NFASC: variants seen among roughly 807,000 people sequenced by gnomAD.
NFASC encodes neurofascin homolog.
In NFASC, 43 loss-of-function variants were observed where a neutral mutation model predicts 147.5. The observed-to-expected ratio is 0.29, with a 90% CI of 0.23 to 0.38. The LOEUF is 0.38. Ranked by LOEUF, NFASC falls within the 10% of genes least tolerant of loss-of-function variation. The pLI is 1.00. For synonymous variants in NFASC, 622 were observed against 665.5 expected (o/e 0.93, Z 1.01); for missense variants, 1,320 against 1,689.0 (o/e 0.78, Z 3.83).
chr1:204,833,345 G>T (rs1437033946), intron 1 of NFASC, among the ~76,000 whole-genome samples: 1 of 152,216 alleles, frequency 6.6e-6, no homozygotes, highest in Non-Finnish European at 1.5e-5. Flanking sequence ...GCTGTTACTT[G>T]TTGAAGATTA....
At chr1:204,925,746 T>C (rs971262480) in intron 2 of NFASC, among the ~76,000 whole-genome samples, 7 of 152,192 alleles carry the variant, frequency 4.6e-5, no homozygotes, top group African/African-American at 1.7e-4. Context: ...CTGTTGAAAC[T>C]AGGCTTGCAA....
intron 1 of NFASC, among the ~76,000 whole-genome samples, chr1:204,836,160 G>C (rs1673731322): frequency 6.6e-6 from 1 of 152,108 alleles, no homozygotes; most frequent in South Asian, 2.1e-4. Flanking sequence ...ATGTATGTCT[G>C]TGTGTGCGTG....
At chr1:204,855,796 G>T in intron 1 of NFASC, among the ~76,000 whole-genome samples, 1 of 152,134 alleles carries the variant, frequency 6.6e-6, no homozygotes, top group Non-Finnish European at 1.5e-5. Flanking sequence ...CCTGCTTGTT[G>T]ACATAGCTAG....
chr1:204,857,538 C>A (rs1334870572), intron 1 of NFASC, among the ~76,000 whole-genome samples: 2 of 152,256 alleles, frequency 1.3e-5, no homozygotes, highest in African/African-American at 4.8e-5. Flanking sequence ...CGAGTGCCCT[C>A]TGTCTCCCCT....
At chr1:204,922,208 T>TC (rs2090635412) in intron 2 of NFASC, among the ~76,000 whole-genome samples, 1 of 152,140 alleles carries the variant, frequency 6.6e-6, no homozygotes, top group Admixed American at 6.5e-5. Flanking sequence ...CATGCACCCT[T>TC]CCCACTCTCT....
chr1:204,993,541 G>A (rs970279413), intron 24 of NFASC, among the ~76,000 whole-genome samples: 1 of 152,174 alleles, frequency 6.6e-6, no homozygotes, highest in African/African-American at 2.4e-5. Context: ...CGCAGCCAGG[G>A]TGCCTTCCAG....
At chr1:204,893,069 G>A (rs1479129297) in intron 1 of NFASC, among the ~76,000 whole-genome samples, 1 of 152,230 alleles carries the variant, frequency 6.6e-6, no homozygotes, top group Non-Finnish European at 1.5e-5. Context: ...AAGAATGTAA[G>A]GGATAGAGTA....
At position 204,987,455 on chromosome 1, in the gene NFASC, C is replaced by G. The variant is rs1248796907; in HGVS notation, c.2508C>G (p.Pro836=). Residue 836 remains proline, a synonymous_variant, in exon 22 of 30, where the codon CCC becomes CCG. Transcript: ENST00000339876. This position sits in a 1 kb window ranked among gnomAD's most constrained non-coding sequence, Gnocchi z 4.4. ...SAPRRFRVRQ[P]NLETINLEWD... is the part of the protein sequence containing the mutation. ...CTAGGCGTTTCCGAGTCCGGCAGCC[C>G]AACCTGGAGACAATCAACCTGGAAT... 1 of 1,614,120 alleles carries G rather than the reference C, an allele frequency of 6.2e-7. No individual in the cohort carries two copies. The highest frequency in any genetic ancestry group is 1.7e-5 in the Admixed American group (1 of 60,024).
intron 1 of NFASC, among the ~76,000 whole-genome samples, chr1:204,832,491 G>C (rs1672510426): frequency 6.6e-6 from 1 of 152,136 alleles, no homozygotes; most frequent in Non-Finnish European, 1.5e-5. Context: ...CATTGATGGG[G>C]AGGGCAAGTT....
chr1:204,865,691 T>G (rs1271194191), intron 1 of NFASC, among the ~76,000 whole-genome samples: 1 of 152,214 alleles, frequency 6.6e-6, no homozygotes, highest in East Asian at 1.9e-4. Context: ...TTGTAGTATG[T>G]TTTGAAATCA....
At chr1:204,927,024 G>A (rs1450961076) in intron 2 of NFASC, among the ~76,000 whole-genome samples, 3 of 152,220 alleles carry the variant, frequency 2.0e-5, no homozygotes, top group East Asian at 1.9e-4. Context: ...GCAGTGAGCC[G>A]AGATGGCGCC....
chr1:204,975,535 C>G lies in NFASC; in HGVS notation c.1706+117C>G. ...AGGGAACCCGTGTCATGCATGTCAC[C>G]AAGGAGCTTCTGCAGAGGGGGTGAT... On this transcript the variant is annotated intron_variant, in intron 15 of 29. Transcript: ENST00000339876. This position sits in a 1 kb window ranked among gnomAD's most constrained non-coding sequence, Gnocchi z 4.0. 7.3e-7 allele frequency: 1 copy of G among 1,362,064 alleles called. No individual in the cohort carries two copies. The highest frequency in any genetic ancestry group is 1.0e-6 in the Non-Finnish European group (1 of 980,246). 84.4% of individuals were successfully genotyped at this position (1,362,064 alleles called of 1,614,324 possible).
In NFASC at chr1:204,973,377, G is replaced by C; in HGVS notation, c.1237G>C (p.Glu413Gln). ...RAVYQCNTSN[E>Q]HGYLLANAFV... ...TGTGTACCAGTGCAACACCTCCAAC[G>C]AGCATGGCTACCTGCTGGCCAACGC... The change falls in exon 12 of 30, where the codon GAG becomes CAG. Residue 413 changes from glutamate (E) to glutamine (Q), a missense_variant. Coordinates refer to ENST00000339876, the MANE Select transcript of NFASC (RefSeq NM_001005388.3). 1 of 1,614,282 alleles carries C rather than the reference G, an allele frequency of 6.2e-7. No individual in the cohort carries two copies. Among genetic ancestry groups the C allele is most frequent in the Non-Finnish European group, 8.5e-7 (1 of 1,180,054 alleles).
At chr1:205,000,662 A>C (rs1372757795) in intron 25 of NFASC, 2 of 185,962 alleles carry the variant, frequency 1.1e-5, no homozygotes, top group Non-Finnish European at 2.3e-5. Context: ...ATCAAAACCC[A>C]CTCTTTCTAC....
chr1:204,916,524 G>C (rs536172896), intron 1 of NFASC, among the ~76,000 whole-genome samples: 3 of 152,068 alleles, frequency 2.0e-5, no homozygotes, highest in African/African-American at 4.8e-5. Flanking sequence ...ATATTTGTAC[G>C]AAGATTTTGT....
intron 24 of NFASC, among the ~76,000 whole-genome samples, 167 bp downstream of exon 24, chr1:204,991,473 A>T (rs2095734409): frequency 6.6e-6 from 1 of 152,184 alleles, no homozygotes; most frequent in Non-Finnish European, 1.5e-5. Context: ...TGTGTGGAGG[A>T]TGGGACCAGA....
chr1:204,870,072 C>T (rs1414719282), intron 1 of NFASC, among the ~76,000 whole-genome samples: 1 of 152,168 alleles, frequency 6.6e-6, no homozygotes, highest in Non-Finnish European at 1.5e-5. Flanking sequence ...GAGAGCTGAG[C>T]CTTACACTCT....
Position 204,968,577 on chromosome 1 carries a change from G to A in NFASC, c.818+217G>A, listed in dbSNP as rs1455480611. The A allele has an allele frequency of 8.1e-6, 5 of 613,658 alleles. No individual in the cohort carries two copies. The highest frequency in any genetic ancestry group is 1.4e-5 in the Non-Finnish European group (5 of 349,560). 38.0% of individuals were successfully genotyped at this position (613,658 alleles called of 1,614,324 possible). Reference sequence around the variant, plus strand: ...GATAATGAGGAAAGAAGGTGATTAGGCATCCCGTAGATGCGTTAGAATCTC... The same window carrying A: ...GATAATGAGGAAAGAAGGTGATTAGACATCCCGTAGATGCGTTAGAATCTC... On this transcript the variant is annotated intron_variant, in intron 9 of 29. Coordinates refer to ENST00000339876, the MANE Select transcript of NFASC (RefSeq NM_001005388.3). This position sits in a 1 kb window ranked among gnomAD's most constrained non-coding sequence, Gnocchi z 5.4.
intron 21 of NFASC, among the ~76,000 whole-genome samples, chr1:204,985,317 C>T (rs1181809235): frequency 6.6e-6 from 1 of 152,102 alleles, no homozygotes; most frequent in African/African-American, 2.4e-5. Flanking sequence ...AGCCTGGCAT[C>T]CCACTGACTT....
Sources: allele counts gnomAD v4.1 joint callset (sites outside exome capture counted in the v4.1 genomes callset), GRCh38; gene constraint gnomAD v4.1.1; non-coding constraint Gnocchi (gnomAD v3.1); transcripts MANE v1.5; gene names NCBI Gene and HGNC (gene_info 2026-07-23, HGNC 2026-07-21).